The following GRM1 variants were observed in gnomAD, a reference collection of about 807,000 sequenced individuals.
GRM1 encodes the protein glutamate metabotropic receptor 1.
In GRM1, 33 loss-of-function variants were observed where a neutral mutation model predicts 90.9. The ratio of observed to expected loss-of-function variants is 0.36; its 90% CI spans 0.28 to 0.49. The LOEUF (loss-of-function observed/expected upper bound fraction) is 0.49, where lower values mean the gene tolerates loss of function less well. Ranked by LOEUF, GRM1 falls within the 20% of genes least tolerant of loss-of-function variation. The pLI is 0.99. For missense variants in GRM1, 1,190 were observed against 1,534.3 expected (o/e 0.78, Z 3.75); for synonymous variants, 700 against 613.2 (o/e 1.14, Z -2.09).
intron 1 of GRM1, among the ~76,000 whole-genome samples, chr6:146,099,323 G>T (rs1240104470): frequency 6.6e-6 from 1 of 152,200 alleles, no homozygotes; most frequent in East Asian, 1.9e-4. Flanking sequence ...GGAGACAGAG[G>T]TTGCAGTGAG....
intron 3 of GRM1, among the ~76,000 whole-genome samples, chr6:146,327,473 C>G (rs569822736): frequency 6.6e-6 from 1 of 152,280 alleles, no homozygotes; most frequent in South Asian, 2.1e-4. Flanking sequence ...GAGATAACCT[C>G]CTCATACAGC....
chr6:146,407,886 T>C (rs865832927), intron 7 of GRM1, among the ~76,000 whole-genome samples: 1 of 152,180 alleles, frequency 6.6e-6, no homozygotes, highest in South Asian at 2.1e-4. Context: ...TACAATCTCA[T>C]TGTGTGCATG....
chr6:146,304,835 G>C lies in GRM1; in HGVS notation c.1175G>C (p.Arg392Pro), dbSNP rs532617517. 6.2e-7 allele frequency: 1 copy of C among 1,605,928 alleles called. No individual in the cohort carries two copies. Residue 392 changes from arginine (R) to proline (P), a missense_variant, in exon 3 of 8, where the codon CGA becomes CCA. Arg to Pro is a moderately radical substitution (Grantham distance 103). Coordinates refer to ENST00000282753, the MANE Select transcript of GRM1 (RefSeq NM_001278064.2). Reference sequence around the variant, plus strand: ...CTTCTGGAAAATCCCAACTTTAAACGAATCTGCACAGGTAACTCATGTTCA... The same window carrying C: ...CTTCTGGAAAATCCCAACTTTAAACCAATCTGCACAGGTAACTCATGTTCA... ...GHLLENPNFK[R>P]ICTGNESLEE...
chr6:146,312,349 CAAAAAAAAAAAAAAAAAAA>C (rs1166008558), intron 3 of GRM1, among the ~76,000 whole-genome samples: 2 of 21,338 alleles, frequency 9.4e-5, no homozygotes, highest in Non-Finnish European at 1.9e-4. Flanking sequence ...AACTCCGTCT[CAAAAAAAAAAAAAAAAAAA>C]AAAAAAAAAA....
At chr6:146,367,650 A>T (rs1349914933) in intron 5 of GRM1, among the ~76,000 whole-genome samples, 1 of 152,118 alleles carries the variant, frequency 6.6e-6, no homozygotes, top group African/African-American at 2.4e-5. Flanking sequence ...CTGCTTATAA[A>T]TGAGAACCTG....
intron 2 of GRM1, among the ~76,000 whole-genome samples, chr6:146,167,228 T>G (rs1777941749): frequency 6.6e-6 from 1 of 152,156 alleles, no homozygotes; most frequent in Non-Finnish European, 1.5e-5. Context: ...TAATTTCCTC[T>G]TTATTGTTGA....
At chr6:146,100,618 A>G (rs1777018885) in intron 1 of GRM1, among the ~76,000 whole-genome samples, 2 of 152,188 alleles carry the variant, frequency 1.3e-5, no homozygotes, top group African/African-American at 4.8e-5. Flanking sequence ...CTATTCCTGC[A>G]ATAAACATCC....
At chr6:146,343,465 T>C (rs376177344) in intron 3 of GRM1, among the ~76,000 whole-genome samples, 4 of 152,182 alleles carry the variant, frequency 2.6e-5, no homozygotes, top group African/African-American at 9.6e-5. Context: ...CTTTTCTCTC[T>C]CATTTGTTTT....
At chr6:146,390,998 A>G (rs1302668788) in intron 6 of GRM1, among the ~76,000 whole-genome samples, 2 of 152,112 alleles carry the variant, frequency 1.3e-5, no homozygotes, top group Admixed American at 6.6e-5. Context: ...ATTACTATTT[A>G]TATTGATTTT....
intron 2 of GRM1, among the ~76,000 whole-genome samples, chr6:146,178,622 C>T (rs1778423174): frequency 6.6e-6 from 1 of 152,188 alleles, no homozygotes; most frequent in Non-Finnish European, 1.5e-5. Context: ...GTCTTCTGCG[C>T]TCAATAAGTT....
Position 146,352,756 on chromosome 6 carries a change from C to G in GRM1, c.1433+260C>G, listed in dbSNP as rs362877. On this transcript the variant is annotated intron_variant, in intron 4 of 7. Transcript: ENST00000282753. Reference sequence around the variant, plus strand: ...CCCCTAACTCACCTATCACTTGACCCTTTTTCCAGAATGCTTGGGACCTTC... The same window carrying G: ...CCCCTAACTCACCTATCACTTGACCGTTTTTCCAGAATGCTTGGGACCTTC... Among the ~76,000 whole-genome samples the G allele has an allele frequency of 1.4e-4, 22 of 152,298 alleles. No homozygotes were observed. In the East Asian group the frequency reaches 4.1e-3, roughly 28 times the overall value.
intron 3 of GRM1, among the ~76,000 whole-genome samples, chr6:146,326,174 G>A (rs747920400): frequency 6.6e-6 from 1 of 152,070 alleles, no homozygotes; most frequent in East Asian, 1.9e-4. Flanking sequence ...CAATAGCAAC[G>A]ATGTGGAATC....
chr6:146,060,994 T>C (rs1044336916), intron 1 of GRM1, among the ~76,000 whole-genome samples: 4 of 152,026 alleles, frequency 2.6e-5, no homozygotes, highest in African/African-American at 9.7e-5. Context: ...ATTTCTCTAA[T>C]GATCAGTGAT....
intron 1 of GRM1, among the ~76,000 whole-genome samples, chr6:146,126,912 T>C (rs1027654276): frequency 3.3e-5 from 5 of 151,908 alleles, no homozygotes; most frequent in Non-Finnish European, 7.4e-5. Flanking sequence ...CTCTCAGGAG[T>C]AGGTGTGGAT....
intron 2 of GRM1, among the ~76,000 whole-genome samples, chr6:146,287,465 CTGTT>C: frequency 6.6e-6 from 1 of 152,236 alleles, no homozygotes; most frequent in East Asian, 1.9e-4. Context: ...CTATTTATGG[CTGTT>C]TGTATTGGCT....
intron 1 of GRM1, among the ~76,000 whole-genome samples, chr6:146,050,137 G>A (rs1199393375): frequency 6.6e-6 from 1 of 151,914 alleles, no homozygotes; most frequent in Non-Finnish European, 1.5e-5. Flanking sequence ...ATGAGTGAGG[G>A]CAAAGTCTTT....
chr6:146,056,467 A>G (rs1352070681), intron 1 of GRM1, among the ~76,000 whole-genome samples: 1 of 152,172 alleles, frequency 6.6e-6, no homozygotes, highest in African/African-American at 2.4e-5. Context: ...ACAAAGCCTA[A>G]CTGTGCCCAA....
intron 2 of GRM1, among the ~76,000 whole-genome samples, chr6:146,297,508 C>T (rs1036521215): frequency 4.6e-5 from 7 of 152,008 alleles, no homozygotes; most frequent in South Asian, 2.1e-4. Flanking sequence ...TAATGCAAAA[C>T]GTCAGGGGAT....
intron 2 of GRM1, among the ~76,000 whole-genome samples, chr6:146,225,259 T>C (rs1312307547): frequency 6.6e-6 from 1 of 152,120 alleles, no homozygotes; most frequent in African/African-American, 2.4e-5. Context: ...GTCTCAGATA[T>C]GGTAGCTAAA....
Sources: gnomAD v4.1 joint callset for allele counts (sites outside exome capture counted in the v4.1 genomes callset) on GRCh38, gnomAD v4.1.1 for gene constraint, MANE v1.5 for transcripts, NCBI Gene and HGNC (gene_info 2026-07-23, HGNC 2026-07-21) for gene names.